Variants in DIP2C observed in about 807,000 individuals in gnomAD.
DIP2C encodes disco-interacting protein 2 homolog C.
A neutral mutation model predicts 192.4 loss-of-function variants in DIP2C; 33 were observed. The observed-to-expected ratio is 0.17, with a 90% CI of 0.13 to 0.23. The LOEUF is 0.23. Ranked by LOEUF, DIP2C falls within the 10% of genes least tolerant of loss-of-function variation. The pLI is 1.00. For missense variants in DIP2C, 1,537 were observed against 2,110.1 expected, an observed-to-expected ratio of 0.73 and a Z score of 5.32; for synonymous variants, 979 against 864.1, an observed-to-expected ratio of 1.13 and a Z score of -2.33.
intron 2 of DIP2C, among the ~76,000 whole-genome samples, chr10:481,188 A>T (rs879317779): frequency 6.6e-6 from 1 of 152,190 alleles, no homozygotes; most frequent in African/African-American, 2.4e-5. Context: ...AGGAATCAGA[A>T]CAACCAACGG....
chr10:540,062 A>C (rs1847896117), intron 1 of DIP2C, among the ~76,000 whole-genome samples: 1 of 152,246 alleles, frequency 6.6e-6, no homozygotes, highest in South Asian at 2.1e-4. Flanking sequence ...CATGAATCAG[A>C]AGCAGCATCC....
At chr10:568,542 C>A (rs1018138541) in intron 1 of DIP2C, among the ~76,000 whole-genome samples, 1 of 151,802 alleles carries the variant, frequency 6.6e-6, no homozygotes, top group South Asian at 2.1e-4. Context: ...CCGAGACGGG[C>A]GGATCATGAG....
chr10:367,660 A>G (rs1960436978), intron 18 of DIP2C, among the ~76,000 whole-genome samples: 2 of 152,202 alleles, frequency 1.3e-5, no homozygotes, highest in Admixed American at 6.5e-5. Flanking sequence ...CGAGGGGGTC[A>G]CTCACTGCAG....
At chr10:491,210 GA>G (rs1844424714) in intron 1 of DIP2C, among the ~76,000 whole-genome samples, 1 of 152,210 alleles carries the variant, frequency 6.6e-6, no homozygotes, top group African/African-American at 2.4e-5. Flanking sequence ...GGGGATGAAA[GA>G]AACGGGCCAC....
At chr10:341,074 C>A in intron 29 of DIP2C, 125 bp downstream of exon 29, 2 of 1,365,016 alleles carry the variant, frequency 1.5e-6, no homozygotes, top group Non-Finnish European at 2.1e-6. Flanking sequence ...CACGGGTAAG[C>A]CCCAGGCCTC....
intron 2 of DIP2C, among the ~76,000 whole-genome samples, chr10:484,234 T>C (rs969902980): frequency 6.6e-6 from 1 of 152,256 alleles, no homozygotes; most frequent in Admixed American, 6.5e-5. Context: ...ATCATGAAAT[T>C]CCTGTATTCA....
chr10:361,834 G>C (rs1431498364), intron 22 of DIP2C, among the ~76,000 whole-genome samples: 1 of 152,114 alleles, frequency 6.6e-6, no homozygotes, highest in East Asian at 1.9e-4. Context: ...TGGCTTGAGC[G>C]GCTCCCAACA....
chr10:326,680 C>T (rs964723271), intron 31 of DIP2C, among the ~76,000 whole-genome samples: 4 of 152,202 alleles, frequency 2.6e-5, no homozygotes, highest in Admixed American at 6.5e-5. Context: ...CTAAGTACTT[C>T]GAGGGACTGG....
At chr10:673,718 C>T (rs957621745) in intron 1 of DIP2C, among the ~76,000 whole-genome samples, 2 of 152,054 alleles carry the variant, frequency 1.3e-5, no homozygotes, top group African/African-American at 2.4e-5. Context: ...GTTTGACTTA[C>T]ACACTTCCCA....
At chr10:318,332 C>T (rs1956865186) in intron 31 of DIP2C, among the ~76,000 whole-genome samples, 2 of 152,134 alleles carry the variant, frequency 1.3e-5, no homozygotes, top group African/African-American at 4.8e-5. Flanking sequence ...TGTGGGGAGA[C>T]GATCAACCAG....
intron 10 of DIP2C, among the ~76,000 whole-genome samples, chr10:395,322 T>C (rs938403028): frequency 5.9e-5 from 9 of 151,962 alleles, no homozygotes; most frequent in Admixed American, 1.3e-4. Context: ...AAATGAGAGG[T>C]AAGCAAGGTG....
Position 525,126 on chromosome 10 carries a change from A to C in DIP2C, c.86-38596T>G, listed in dbSNP as rs146986051. Among the ~76,000 whole-genome samples, 587 of 152,334 alleles carry C rather than the reference A, an allele frequency of 3.9e-3. 3 individuals carry two copies. The highest frequency in any genetic ancestry group is 0.013 in the African/African-American group (533 of 41,580). ...GACAACCAAATCTAAAATACAGAAA[A>C]GCATTCTTAAATGCATCACAGCCCT... On this transcript the variant is annotated intron_variant, in intron 1 of 36. Transcript: ENST00000280886.
chr10:349,380 C>T lies in DIP2C; in HGVS notation c.3060G>A (p.Glu1020=). The change falls in exon 25 of 37, where the codon GAG becomes GAA. Residue 1020 remains glutamate, a synonymous_variant. Coordinates refer to ENST00000280886, the MANE Select transcript of DIP2C (RefSeq NM_014974.3). ...RAEKIAVMLM[E]RGHLQDGDHV... ...GGTCGCCGTCCTGAAGGTGGCCCCT[C>T]TCCATCAGCATCACGGCGATCTTCT... is the stretch of plus-strand genomic sequence containing the variant. The T allele has an allele frequency of 6.2e-7, 1 of 1,611,368 alleles. No homozygotes were observed. The highest frequency in any genetic ancestry group is 8.5e-7 in the Non-Finnish European group (1 of 1,179,818).
intron 32 of DIP2C, among the ~76,000 whole-genome samples, chr10:305,608 C>A (rs912664341): frequency 6.6e-6 from 1 of 152,186 alleles, no homozygotes; most frequent in Non-Finnish European, 1.5e-5. Context: ...GGACTTTACA[C>A]CAATGTAATG....
At chr10:551,635 G>A (rs532301986) in intron 1 of DIP2C, among the ~76,000 whole-genome samples, 115 of 152,302 alleles carry the variant, frequency 7.6e-4, no homozygotes, top group South Asian at 1.9e-3. Flanking sequence ...ACTCAGCCCC[G>A]AGTGTGAACA....
intron 29 of DIP2C, among the ~76,000 whole-genome samples, chr10:332,331 G>A (rs1419550901): frequency 6.6e-6 from 1 of 152,206 alleles, no homozygotes; most frequent in Non-Finnish European, 1.5e-5. Context: ...AACCCAGTGT[G>A]AATTCCTGGC....
chr10:458,739 A>G (rs1969511338), intron 3 of DIP2C, among the ~76,000 whole-genome samples: 1 of 148,510 alleles, frequency 6.7e-6, no homozygotes, highest in Non-Finnish European at 1.5e-5. Flanking sequence ...TATCCTCTAC[A>G]TTCCTGCCTC....
chr10:541,462 G>A (rs1432917889), intron 1 of DIP2C, among the ~76,000 whole-genome samples: 2 of 128,588 alleles, frequency 1.6e-5, no homozygotes, highest in African/African-American at 5.6e-5. Context: ...GGACCCCCCC[G>A]AGTGACCCTC....
At chr10:362,434 C>T (rs1959652043) in intron 22 of DIP2C, 56 bp downstream of exon 22, 9 of 1,574,398 alleles carry the variant, frequency 5.7e-6, no homozygotes, top group South Asian at 4.7e-5. Flanking sequence ...CTCCCAGTGC[C>T]GTGCAGCCCC....
Sources: gnomAD v4.1 joint callset for allele counts (sites outside exome capture counted in the v4.1 genomes callset) on GRCh38, gnomAD v4.1.1 for gene constraint, MANE v1.5 for transcripts, NCBI Gene and HGNC (gene_info 2026-07-23, HGNC 2026-07-21) for gene names.